The following FILIP1L variants were observed in gnomAD, a reference collection of about 807,000 sequenced individuals.
The protein encoded by FILIP1L is filamin A interacting protein 1 like.
A neutral mutation model predicts 96.6 loss-of-function variants in FILIP1L; 55 were observed. The observed-to-expected ratio is 0.57, with a 90% CI of 0.46 to 0.71. FILIP1L has a LOEUF of 0.71. FILIP1L is among the 30% of genes least tolerant of loss of function. The pLI is 0.00. For synonymous variants in FILIP1L, 467 were observed against 473.9 expected, an observed-to-expected ratio of 0.99 and a Z score of 0.19; for missense variants, 1,304 against 1,321.2, an observed-to-expected ratio of 0.99 and a Z score of 0.20.
intron 1 of FILIP1L, among the ~76,000 whole-genome samples, chr3:100,085,768 C>T (rs1328667532): frequency 6.6e-6 from 1 of 152,190 alleles, no homozygotes; most frequent in Admixed American, 6.5e-5. Flanking sequence ...ATGATGACCC[C>T]CTCCTAAGTG....
intron 4 of FILIP1L, among the ~76,000 whole-genome samples, chr3:99,875,031 A>T (rs1705439634): frequency 6.6e-6 from 1 of 152,234 alleles, no homozygotes; most frequent in African/African-American, 2.4e-5. Context: ...CTGTTTTAAA[A>T]GGGACAATTC....
At chr3:99,879,125 A>G (rs1022236177) in intron 4 of FILIP1L, among the ~76,000 whole-genome samples, 4 of 152,162 alleles carry the variant, frequency 2.6e-5, no homozygotes, top group African/African-American at 9.7e-5. Context: ...CCTTTCTACA[A>G]TTAGTAATCT....
At chr3:99,942,648 A>G (rs964350005) in intron 1 of FILIP1L, among the ~76,000 whole-genome samples, 2 of 152,088 alleles carry the variant, frequency 1.3e-5, no homozygotes, top group Admixed American at 6.6e-5. Flanking sequence ...CCTGGCCAAC[A>G]TGGTGAAACC....
intron 1 of FILIP1L, among the ~76,000 whole-genome samples, chr3:99,968,255 A>G (rs368704623): frequency 9.9e-5 from 15 of 152,260 alleles, no homozygotes; most frequent in East Asian, 7.7e-4. Context: ...TCAGTGTTTA[A>G]CCTTCTTTGA....
intron 1 of FILIP1L, among the ~76,000 whole-genome samples, chr3:100,111,964 C>T (rs2066498728): frequency 6.6e-6 from 1 of 152,176 alleles, no homozygotes; most frequent in South Asian, 2.1e-4. Context: ...CAGATTCCTA[C>T]ACTCAGGGCA....
chr3:99,983,446 GTATATATATATATGTGTGTATATATATA>G lies in FILIP1L; in HGVS notation c.-10-52444_-10-52417del, dbSNP rs1193776858. 3.4e-5 allele frequency among the ~76,000 whole-genome samples: 3 copies of G among 87,810 alleles called. No homozygotes were observed. The East Asian group carries it at 7.4e-4, about 22-fold the overall frequency. 57.6% of individuals were successfully genotyped at this position (87,810 alleles called of 152,430 possible). ...TATGTATGTATGTATATATATGTAT[GTATATATATATATGTGTGTATATATATA>G]TATATATATATATATATATATATAT... On this transcript the variant is annotated intron_variant, in intron 1 of 5. Coordinates refer to ENST00000477258, the MANE Select transcript of FILIP1L (RefSeq NM_001387850.1).
At chr3:99,923,895 C>G (rs1051043808) in intron 4 of FILIP1L, among the ~76,000 whole-genome samples, 3 of 152,182 alleles carry the variant, frequency 2.0e-5, no homozygotes, top group Non-Finnish European at 4.4e-5. Flanking sequence ...CACTTCTATA[C>G]TAACACACTT....
intron 1 of FILIP1L, among the ~76,000 whole-genome samples, chr3:100,068,901 ACCACTC>A (rs2065713789): frequency 6.6e-6 from 1 of 152,172 alleles, no homozygotes; most frequent in African/African-American, 2.4e-5. Context: ...ATTCACAGGT[ACCACTC>A]CCAAGAAAGT....
At chr3:100,092,910 T>G (rs1181124679) in intron 1 of FILIP1L, among the ~76,000 whole-genome samples, 1 of 151,832 alleles carries the variant, frequency 6.6e-6, no homozygotes, top group Non-Finnish European at 1.5e-5. Flanking sequence ...CAAATTCTAT[T>G]CAGTTTAGCT....
At chr3:100,052,932 A>G (rs1341909230) in intron 1 of FILIP1L, among the ~76,000 whole-genome samples, 1 of 152,176 alleles carries the variant, frequency 6.6e-6, no homozygotes, top group Non-Finnish European at 1.5e-5. Context: ...TGTAATATAT[A>G]ATTTCCCCTA....
At chr3:100,000,092 A>G (rs1408579658) in intron 1 of FILIP1L, among the ~76,000 whole-genome samples, 1 of 152,182 alleles carries the variant, frequency 6.6e-6, no homozygotes, top group Non-Finnish European at 1.5e-5. Context: ...TGATTCTAAT[A>G]TATAATCAGG....
At chr3:99,974,041 T>G (rs1256745880) in intron 1 of FILIP1L, among the ~76,000 whole-genome samples, 2 of 152,244 alleles carry the variant, frequency 1.3e-5, no homozygotes, top group Non-Finnish European at 2.9e-5. Context: ...CTTCCAAGTT[T>G]AAGAACAAGA....
At chr3:100,097,839 G>C (rs2066237426) in intron 1 of FILIP1L, among the ~76,000 whole-genome samples, 1 of 152,144 alleles carries the variant, frequency 6.6e-6, no homozygotes, top group South Asian at 2.1e-4. Flanking sequence ...CTGGATACTT[G>C]CTACCTTCTA....
chr3:100,090,861 C>T (rs1307859563), intron 1 of FILIP1L, among the ~76,000 whole-genome samples: 1 of 152,186 alleles, frequency 6.6e-6, no homozygotes, highest in Non-Finnish European at 1.5e-5. Flanking sequence ...TTGCCTGCTT[C>T]ATTCCATCCC....
chr3:99,990,363 A>G (rs1468871293), intron 1 of FILIP1L, among the ~76,000 whole-genome samples: 2 of 152,196 alleles, frequency 1.3e-5, no homozygotes, highest in Non-Finnish European at 2.9e-5. Flanking sequence ...TGATCCGTTC[A>G]ATCTCTCTAT....
At position 99,929,905 on chromosome 3, in the gene FILIP1L, G is replaced by T. The variant is rs563658045; in HGVS notation, c.377C>A (p.Ala126Glu). ...LEALQRDAFQ[A>E]KSTPWQEDIY... The stretch of plus-strand genomic sequence containing the variant: ...GTCCTCCTGCCAAGGGGTAGATTTC[G>T]CTTGAAAAGCATCTCTCTGGAGAGC... The change falls in exon 3 of 6, where the codon GCG becomes GAG. Residue 126 changes from alanine (A) to glutamate (E), a missense_variant. By Grantham distance (107) the Ala-to-Glu change is moderately radical. Coordinates refer to ENST00000477258, the MANE Select transcript of FILIP1L (RefSeq NM_001387850.1). 1 of 1,613,832 alleles carries T rather than the reference G, an allele frequency of 6.2e-7. No individual in the cohort carries two copies.
intron 1 of FILIP1L, among the ~76,000 whole-genome samples, chr3:100,079,055 C>T (rs936715296): frequency 1.3e-5 from 2 of 152,144 alleles, no homozygotes; most frequent in Non-Finnish European, 2.9e-5. Flanking sequence ...ATGAGGTGGG[C>T]AAGACCTCTG....
chr3:99,919,850 T>A (rs924167011), intron 4 of FILIP1L, among the ~76,000 whole-genome samples: 2 of 152,174 alleles, frequency 1.3e-5, no homozygotes, highest in African/African-American at 4.8e-5. Context: ...CAGGGTGTGG[T>A]CAAGGCAACA....
chr3:99,953,828 A>G (rs749978493), intron 1 of FILIP1L, among the ~76,000 whole-genome samples: 4 of 152,166 alleles, frequency 2.6e-5, no homozygotes, highest in Non-Finnish European at 4.4e-5. Context: ...GTGCCCTTTC[A>G]TGAGGAATCC....
Sources: allele counts gnomAD v4.1 joint callset (sites outside exome capture counted in the v4.1 genomes callset), GRCh38; gene constraint gnomAD v4.1.1; transcripts MANE v1.5; gene names NCBI Gene and HGNC (gene_info 2026-07-23, HGNC 2026-07-21).